Variants in USP31 observed in about 807,000 individuals in gnomAD.
USP31 encodes the protein ubiquitin carboxyl-terminal hydrolase 31.
USP31 carries 44 observed loss-of-function variants against 119.4 expected under a neutral mutation model. That is an observed-to-expected ratio of 0.37 (90% CI 0.29 to 0.47). The LOEUF (loss-of-function observed/expected upper bound fraction) is 0.47, where lower values mean the gene tolerates loss of function less well. Among genes scored for constraint, USP31 ranks in the 20% least tolerant of loss-of-function variants. The pLI, the probability that USP31 is intolerant of heterozygous loss-of-function variation, is 0.99. For synonymous variants in USP31, 749 were observed against 705.6 expected (o/e 1.06, Z -0.97); for missense variants, 1,643 against 1,730.2 (o/e 0.95, Z 0.89).
At chr16:23,102,224 A>G in intron 6 of USP31, 95 bp downstream of exon 6, 13 of 1,297,900 alleles carry the variant, frequency 1.0e-5, no homozygotes, top group Non-Finnish European at 1.3e-5. Context: ...AATTTAAAAA[A>G]AAATGTATAT....
intron 13 of USP31, among the ~76,000 whole-genome samples, chr16:23,074,503 A>G (rs538395375): frequency 2.6e-5 from 4 of 152,310 alleles, no homozygotes; most frequent in South Asian, 4.1e-4. Context: ...TTCTCTTATT[A>G]CTCCCAATTT....
intron 1 of USP31, among the ~76,000 whole-genome samples, chr16:23,124,188 A>T (rs1480700287): frequency 6.6e-6 from 1 of 152,172 alleles, no homozygotes; most frequent in Non-Finnish European, 1.5e-5. Flanking sequence ...CACTAGCCCC[A>T]AAAGAAACCT....
chr16:23,110,814 CATATTATATAT>C (rs1412448323), intron 1 of USP31, among the ~76,000 whole-genome samples: 2 of 152,096 alleles, frequency 1.3e-5, no homozygotes, highest in Non-Finnish European at 2.9e-5. Flanking sequence ...AAATTTTAGC[CATATTATATAT>C]GGGAGTAAAG....
intron 13 of USP31, among the ~76,000 whole-genome samples, chr16:23,076,302 A>G (rs1010853920): frequency 2.0e-5 from 3 of 152,084 alleles, no homozygotes; most frequent in Admixed American, 6.5e-5. Context: ...AAAAAAAAAA[A>G]AAGAAAAAAC....
At position 23,063,438 on chromosome 16, in the gene USP31, A is replaced by T. The variant is rs1297890709; in HGVS notation, c.*4608T>A. The stretch of plus-strand genomic sequence containing the variant: ...ATTCTTTCCTTGTGACCAAAATAGA[A>T]CCCTTGAAGATATAAAAAATTAAAA... On this transcript the variant is annotated 3_prime_UTR_variant, in exon 16 of 16. Coordinates refer to ENST00000219689, the MANE Select transcript of USP31 (RefSeq NM_020718.4). 1 of 152,584 alleles carries T rather than the reference A, an allele frequency of 6.6e-6. No individual in the cohort carries two copies. The highest frequency in any genetic ancestry group is 1.5e-5 in the Non-Finnish European group (1 of 68,034). 9.5% of individuals were successfully genotyped at this position (152,584 alleles called of 1,614,324 possible). A position where few individuals can be genotyped will look rare whatever the true frequency, so the allele number is the denominator to read the frequency against.
In USP31 at chr16:23,066,979, A is replaced by C. The variant is rs1253831536; in HGVS notation, c.*1067T>G. The C allele has an allele frequency of 6.6e-6, 1 of 152,236 alleles. No homozygotes were observed. The highest frequency in any genetic ancestry group is 1.9e-4 in the East Asian group (1 of 5,194). The allele number at this position is 152,236 out of a possible 1,614,324, so 9.4% of individuals were successfully genotyped here. A position where few individuals can be genotyped will look rare whatever the true frequency, so the allele number is the denominator to read the frequency against. On this transcript the variant is annotated 3_prime_UTR_variant, in exon 16 of 16. Transcript: ENST00000219689. Reference sequence around the variant, plus strand: ...TCACACAACGCTTCAACATACCACCATTGGCTTTTGGCAGAAGGCAACTTC... The same window carrying C: ...TCACACAACGCTTCAACATACCACCCTTGGCTTTTGGCAGAAGGCAACTTC...
intron 1 of USP31, among the ~76,000 whole-genome samples, chr16:23,136,025 C>G (rs1048186798): frequency 9.2e-5 from 14 of 152,052 alleles, no homozygotes; most frequent in African/African-American, 3.4e-4. Context: ...GAATAGAACA[C>G]AGAGTCAAGA....
rs185046720 is a variant in USP31 at position 23,075,752 on chromosome 16, G to A, written c.2177-1872C>T. ...CAATCGATTATATCATTATACCATC[G>A]ATTATAGCTAGAAACAGTGCAAAAT... On this transcript the variant is annotated intron_variant, in intron 13 of 15. Transcript: ENST00000219689. Among the ~76,000 whole-genome samples, 419 of 152,208 alleles carry A rather than the reference G, an allele frequency of 2.8e-3. 1 individual carries two copies. The highest frequency in any genetic ancestry group is 4.7e-3 in the Non-Finnish European group (320 of 68,006).
chr16:23,070,645 C>A (rs1022095547), intron 15 of USP31, among the ~76,000 whole-genome samples: 1 of 151,346 alleles, frequency 6.6e-6, no homozygotes, highest in Non-Finnish European at 1.5e-5. Flanking sequence ...ACCTGGTAGG[C>A]GGAGCTTGCA....
chr16:23,136,970 T>A (rs1213639471), intron 1 of USP31, among the ~76,000 whole-genome samples: 5 of 152,092 alleles, frequency 3.3e-5, no homozygotes, highest in African/African-American at 1.2e-4. Flanking sequence ...CCCGGCACTT[T>A]GGGAGGCCAA....
intron 1 of USP31, among the ~76,000 whole-genome samples, chr16:23,139,784 CA>C (rs1903300801): frequency 6.6e-6 from 1 of 152,176 alleles, no homozygotes; most frequent in African/African-American, 2.4e-5. Context: ...CCCATATATT[CA>C]AATTAAATGC....
At position 23,073,857 on chromosome 16, in the gene USP31, C is replaced by T. The variant is rs903244704; in HGVS notation, c.2200G>A (p.Gly734Ser). Residue 734 changes from glycine (G) to serine (S), a missense_variant, in exon 14 of 16, where the codon GGC becomes AGC. Physicochemically the swap from Gly to Ser is moderately conservative, Grantham distance 56. This residue lies in a region of USP31 where 279 missense variants were observed against 372.2 expected (regional missense o/e 0.75). Coordinates refer to ENST00000219689, the MANE Select transcript of USP31 (RefSeq NM_020718.4). ...CTGTCATCGAAGCAGTACCAGAGGC[C>T]GTCCACAGAGTTCTTACAGTACGCT... is the stretch of plus-strand genomic sequence containing the variant. Reference protein sequence around the residue: ...YTAYCKNSVDGLWYCFDDSDV... With the variant: ...YTAYCKNSVDSLWYCFDDSDV... 16 of 1,613,896 alleles carry T rather than the reference C, an allele frequency of 9.9e-6. No individual in the cohort carries two copies. Among genetic ancestry groups the T allele is most frequent in the East Asian group, 2.2e-5 (1 of 44,886 alleles).
intron 11 of USP31, 149 bp downstream of exon 11, chr16:23,084,711 G>A: frequency 1.0e-6 from 1 of 981,664 alleles, no homozygotes; most frequent in South Asian, 2.1e-5. Flanking sequence ...AAAAGCAAGA[G>A]CATTAAGATG....
intron 9 of USP31, 133 bp from the exon 10 acceptor site, chr16:23,085,795 T>A (rs1216477166): frequency 1.1e-5 from 9 of 836,988 alleles, no homozygotes; most frequent in Admixed American, 2.6e-5. Context: ...TAGTTCCCCA[T>A]CAGAAAAAAG....
At chr16:23,094,642 G>A (rs1050797264) in intron 6 of USP31, among the ~76,000 whole-genome samples, 6 of 152,144 alleles carry the variant, frequency 3.9e-5, no homozygotes, top group Non-Finnish European at 5.9e-5. Context: ...CTGGGACGAA[G>A]CTTCCAGAGA....
chr16:23,121,460 T>TGGCCC (rs1275092426), intron 1 of USP31, among the ~76,000 whole-genome samples: 1 of 152,252 alleles, frequency 6.6e-6, no homozygotes, highest in Admixed American at 6.5e-5. Flanking sequence ...AGGCCTGGCC[T>TGGCCC]GGCCCGGCCC....
rs1043627662 is a variant in USP31 at position 23,124,555 on chromosome 16, A to C, written c.634-16372T>G. 7.9e-5 allele frequency among the ~76,000 whole-genome samples: 12 copies of C among 152,268 alleles called. No homozygotes were observed. In the Middle Eastern group the frequency reaches 0.014, roughly 173 times the overall value. On this transcript the variant is annotated intron_variant, in intron 1 of 15. Coordinates refer to ENST00000219689, the MANE Select transcript of USP31 (RefSeq NM_020718.4). Reference sequence around the variant, plus strand: ...CACTAGAACACTGGAGATATAAATAAATACCACCTCTTCTAAAACAGTCTG... The same window carrying C: ...CACTAGAACACTGGAGATATAAATACATACCACCTCTTCTAAAACAGTCTG...
chr16:23,146,166 C>T (rs1903496042), intron 1 of USP31, among the ~76,000 whole-genome samples: 1 of 147,160 alleles, frequency 6.8e-6, no homozygotes, highest in African/African-American at 2.5e-5. Flanking sequence ...AAATACTAGG[C>T]TCTGACCTCG....
rs546589193 is a variant in USP31, at chr16:23,085,596, C to G, written c.1689G>C (p.Glu563Asp). The change falls in exon 10 of 16, where the codon GAG (glutamate) becomes GAC (aspartate). Residue 563 changes from glutamate to aspartate, a missense_variant. By Grantham distance (45) the Glu-to-Asp change is conservative. Around this residue, in one of 5 missense-constraint regions of USP31, gnomAD observed 279 missense variants for 372.2 expected, o/e 0.75. Coordinates refer to ENST00000219689, the MANE Select transcript of USP31 (RefSeq NM_020718.4). ...TTAAAAATACTCACAAATCTCTTGT[C>G]TCCTTGTCCCACTCGACTACTAATT... ...HVKLVVEWDK[E>D]TRDFLFVNTE... The G allele has an allele frequency of 3.7e-6, 6 of 1,613,634 alleles. No individual in the cohort carries two copies. The highest frequency in any genetic ancestry group is 2.2e-5 in the East Asian group (1 of 44,874).
Sources: allele counts gnomAD v4.1 joint callset (sites outside exome capture counted in the v4.1 genomes callset), GRCh38; gene constraint gnomAD v4.1.1; regional missense constraint gnomAD v4.1.1; transcripts MANE v1.5; gene names NCBI Gene and HGNC (gene_info 2026-07-23, HGNC 2026-07-21).